FCHO2: variants seen among roughly 807,000 people sequenced by gnomAD.
FCHO2 encodes the protein F-BAR domain only protein 2.
In FCHO2, 43 loss-of-function variants were observed where a neutral mutation model predicts 114.1. The observed-to-expected ratio is 0.38, with a 90% CI of 0.30 to 0.49. The LOEUF is 0.49. Among genes scored for constraint, FCHO2 ranks in the 20% least tolerant of loss-of-function variants. The probability of loss-of-function intolerance (pLI) is 0.97; values close to 1 mark genes in which losing one functional copy is unlikely to be tolerated. For missense variants in FCHO2, 807 were observed against 950.4 expected (o/e 0.85, Z 1.98); for synonymous variants, 293 against 315.2 (o/e 0.93, Z 0.75).
At chr5:73,067,188 A>G (rs1742391188) in intron 18 of FCHO2, among the ~76,000 whole-genome samples, 1 of 152,012 alleles carries the variant, frequency 6.6e-6, no homozygotes, top group African/African-American at 2.4e-5. Context: ...AGAGAAAACC[A>G]CTTGAGAAAA....
At chr5:72,985,657 A>T (rs1753481281) in intron 2 of FCHO2, among the ~76,000 whole-genome samples, 1 of 152,046 alleles carries the variant, frequency 6.6e-6, no homozygotes, top group South Asian at 2.1e-4. Context: ...GATTTTTTTA[A>T]TTAATTTTTT....
At chr5:72,972,945 A>G (rs1752647442) in intron 2 of FCHO2, among the ~76,000 whole-genome samples, 3 of 152,182 alleles carry the variant, frequency 2.0e-5, no homozygotes, top group South Asian at 2.1e-4. Context: ...CCTTTTCTGC[A>G]TGTATTGAGA....
chr5:72,966,313 A>C (rs1456043235), intron 1 of FCHO2, among the ~76,000 whole-genome samples: 1 of 152,212 alleles, frequency 6.6e-6, no homozygotes, highest in Non-Finnish European at 1.5e-5. Context: ...AGAAGTTTCA[A>C]ACCCTTATCT....
At chr5:72,965,774 T>C (rs1482015012) in intron 1 of FCHO2, among the ~76,000 whole-genome samples, 2 of 152,210 alleles carry the variant, frequency 1.3e-5, no homozygotes, top group African/African-American at 2.4e-5. Context: ...ATCAAAAATA[T>C]GAATGTTATA....
At chr5:73,050,039 A>G (rs1757268399) in intron 11 of FCHO2, among the ~76,000 whole-genome samples, 1 of 152,154 alleles carries the variant, frequency 6.6e-6, no homozygotes. Flanking sequence ...CTGAATTTAC[A>G]TTATATATAT....
chr5:72,968,707 T>G, intron 2 of FCHO2, 118 bp downstream of exon 2: 1 of 703,166 alleles, frequency 1.4e-6, no homozygotes, highest in East Asian at 3.5e-5. Context: ...TTTTAAAATA[T>G]GTACTGTAAT....
intron 8 of FCHO2, among the ~76,000 whole-genome samples, chr5:73,018,694 G>T (rs1755448339): frequency 6.6e-6 from 1 of 152,084 alleles, no homozygotes; most frequent in South Asian, 2.1e-4. Flanking sequence ...CCTCTCTATA[G>T]ATCAGTGTCA....
chr5:73,021,979 C>T (rs993018479), intron 8 of FCHO2, among the ~76,000 whole-genome samples: 3 of 152,122 alleles, frequency 2.0e-5, no homozygotes, highest in Non-Finnish European at 4.4e-5. Context: ...TCTCATTTTA[C>T]AGATGAGGGA....
chr5:73,085,782 AAATAAATAAATAAATAAAT>A (rs1468512185), intron 24 of FCHO2, among the ~76,000 whole-genome samples: 30 of 4,256 alleles, frequency 7.0e-3, no homozygotes, highest in Non-Finnish European at 4.2e-3. Flanking sequence ...CTCAAAAAAT[AAATAAATAAATAAATAAAT>A]AAATAAATAA....
At chr5:73,000,736 T>C (rs1754390196) in intron 5 of FCHO2, among the ~76,000 whole-genome samples, 1 of 151,434 alleles carries the variant, frequency 6.6e-6, no homozygotes, top group Admixed American at 6.6e-5. Context: ...GATTGTGGCA[T>C]TGCACTCCAG....
At chr5:73,015,463 A>C (rs912263596) in intron 6 of FCHO2, among the ~76,000 whole-genome samples, 163 bp from the exon 7 acceptor site, 1 of 151,954 alleles carries the variant, frequency 6.6e-6, no homozygotes, top group Non-Finnish European at 1.5e-5. Context: ...GGGTTTCACC[A>C]TGTTGGCCAG....
rs370472306 is a variant in FCHO2, at chr5:72,963,600, T to TG, written c.34-4896dup. Among the ~76,000 whole-genome samples, 432 of 152,208 alleles carry TG rather than the reference T, an allele frequency of 2.8e-3. 3 individuals are homozygous for TG. The highest frequency in any genetic ancestry group is 9.8e-3 in the African/African-American group (408 of 41,522). On this transcript the variant is annotated intron_variant, in intron 1 of 25. Coordinates refer to ENST00000430046, the MANE Select transcript of FCHO2 (RefSeq NM_138782.3). ...CTCTGTCGCCCAGGCTGGAGTGCAG[T>TG]GGCCCCATCACCATCATAGCTCACT...
chr5:72,963,934 A>G (rs79554582), intron 1 of FCHO2, among the ~76,000 whole-genome samples: 4,651 of 62,976 alleles, frequency 0.074, 262 homozygotes, highest in African/African-American at 0.22. Context: ...TTTTTTGTTT[A>G]TGAATTACAA....
chr5:73,081,985 A>AAATTAAACAT lies in FCHO2; in HGVS notation c.2180+5_2180+14dup, dbSNP rs1366101007. 2 of 1,473,004 alleles carry AAATTAAACAT rather than the reference A, an allele frequency of 1.4e-6. No homozygotes were observed. Among genetic ancestry groups the AAATTAAACAT allele is most frequent in the Middle Eastern group, 3.6e-4 (2 of 5,536 alleles). 91.2% of individuals were successfully genotyped at this position (1,473,004 alleles called of 1,614,324 possible). On this transcript the variant is annotated splice_donor_region_variant and intron_variant, in intron 23 of 25. Coordinates refer to ENST00000430046, the MANE Select transcript of FCHO2 (RefSeq NM_138782.3). Reference sequence around the variant, plus strand: ...CAGTCCCTTCCCCCTGCAATATGGTAAATTAAACATACGTTTCTGAATTCC... The same window carrying AAATTAAACAT: ...CAGTCCCTTCCCCCTGCAATATGGTAAATTAAACATAATTAAACATACGTTTCTGAATTCC...
rs1346893448 is a variant in FCHO2, at chr5:73,074,744, G to T, written c.1582G>T (p.Val528Leu). ...CAAGTTAATTGTGTATATTCTAGGT[G>T]TGTCACGGGGTCCCAGCCCTGTCAG... is the stretch of plus-strand genomic sequence containing the variant. ...LSAANTPTVG[V>L]SRGPSPVSLG... The change falls in exon 20 of 26, where the codon GTG (valine) becomes TTG (leucine). Residue 528 changes from valine (V) to leucine (L), a missense_variant and splice_region_variant. Coordinates refer to ENST00000430046, the MANE Select transcript of FCHO2 (RefSeq NM_138782.3). 2 of 1,611,250 alleles carry T rather than the reference G, an allele frequency of 1.2e-6. No individual in the cohort carries two copies. Among genetic ancestry groups the T allele is most frequent in the African/African-American group, 1.3e-5 (1 of 74,818 alleles).
chr5:72,990,412 C>T (rs1055547655), intron 3 of FCHO2, 66 bp from the exon 4 acceptor site: 6 of 1,278,004 alleles, frequency 4.7e-6, no homozygotes, highest in Non-Finnish European at 6.3e-6. Flanking sequence ...CCACTGGTTC[C>T]TTGTTAGAAC....
intron 24 of FCHO2, among the ~76,000 whole-genome samples, chr5:73,085,184 A>G (rs1316386750): frequency 6.6e-6 from 1 of 151,994 alleles, no homozygotes; most frequent in East Asian, 1.9e-4. Flanking sequence ...CCCTGTCTCT[A>G]CTAAAAATAC....
At chr5:72,997,709 G>C (rs1177247692) in intron 5 of FCHO2, 4 of 1,518,278 alleles carry the variant, frequency 2.6e-6, no homozygotes, top group South Asian at 1.2e-5. Flanking sequence ...TTGGGATACC[G>C]TTTGATGCCC....
intron 6 of FCHO2, among the ~76,000 whole-genome samples, chr5:73,010,262 T>C (rs1281106371): frequency 6.6e-6 from 1 of 152,182 alleles, no homozygotes; most frequent in African/African-American, 2.4e-5. Context: ...ATTTGTGATT[T>C]AAGTTTTTAA....
Sources: gnomAD v4.1 joint callset for allele counts (sites outside exome capture counted in the v4.1 genomes callset) on GRCh38, gnomAD v4.1.1 for gene constraint, MANE v1.5 for transcripts, NCBI Gene and HGNC (gene_info 2026-07-23, HGNC 2026-07-21) for gene names.